ARHGEF10L: variants seen among roughly 807,000 people sequenced by gnomAD.
ARHGEF10L encodes Rho guanine nucleotide exchange factor 10 like, also known as rho guanine nucleotide exchange factor 10-like protein.
In ARHGEF10L, 69 loss-of-function variants were observed where a neutral mutation model predicts 141.2. That is an observed-to-expected ratio of 0.49 (90% CI 0.40 to 0.60). The LOEUF (loss-of-function observed/expected upper bound fraction) is 0.60, where lower values mean the gene tolerates loss of function less well. ARHGEF10L is among the 20% of genes least tolerant of loss of function. ARHGEF10L has a pLI of 0.00. For synonymous variants in ARHGEF10L, 711 were observed against 718.5 expected, an observed-to-expected ratio of 0.99 and a Z score of 0.17; for missense variants, 1,482 against 1,734.3, an observed-to-expected ratio of 0.85 and a Z score of 2.58.
At position 17,632,426 on chromosome 1, in the gene ARHGEF10L, C is replaced by T; in HGVS notation, c.1690C>T (p.Leu564=). 1.9e-6 allele frequency: 3 copies of T among 1,614,168 alleles called. No homozygotes were observed. Among genetic ancestry groups the T allele is most frequent in the Non-Finnish European group, 2.5e-6 (3 of 1,180,030 alleles). ...LIKSKERRVF[L]LNDMLVCANI... Reference sequence around the variant, plus strand: ...TAAGTCCAAGGAGCGTCGGGTCTTCCTGCTCAACGACATGCTTGTCTGTGC... The same window carrying T: ...TAAGTCCAAGGAGCGTCGGGTCTTCTTGCTCAACGACATGCTTGTCTGTGC... Residue 564 remains leucine, a synonymous_variant, in exon 16 of 29, where the codon CTG becomes TTG. Coordinates refer to ENST00000361221, the MANE Select transcript of ARHGEF10L (RefSeq NM_018125.4).
At position 17,676,046 on chromosome 1, in the gene ARHGEF10L, G is replaced by A. The variant is rs118043986; in HGVS notation, c.3009+11451G>A. ...TATGTGTGCAGGTATGGATGCAGGT[G>A]TAGGTGCAGGCATGGGTGCAGGTGT... On this transcript the variant is annotated intron_variant, in intron 26 of 28. Coordinates refer to ENST00000361221, the MANE Select transcript of ARHGEF10L (RefSeq NM_018125.4). Among the ~76,000 whole-genome samples the A allele has an allele frequency of 2.5e-3, 365 of 147,472 alleles. 11 individuals carry two copies. In the East Asian group the frequency reaches 0.064, roughly 26 times the overall value.
intron 28 of ARHGEF10L, among the ~76,000 whole-genome samples, chr1:17,696,363 C>T (rs536420652): frequency 6.6e-6 from 1 of 152,146 alleles, no homozygotes; most frequent in African/African-American, 2.4e-5. Flanking sequence ...GGGCAGAGAC[C>T]CTGCTCTCAA....
intron 9 of ARHGEF10L, 30 bp downstream of exon 9, chr1:17,616,232 G>A: frequency 6.4e-7 from 1 of 1,568,990 alleles, no homozygotes; most frequent in Non-Finnish European, 8.8e-7. Context: ...GGAGGGTCTG[G>A]TGCCCAGCTC....
chr1:17,596,399 A>G (rs1477415541), intron 4 of ARHGEF10L, among the ~76,000 whole-genome samples: 1 of 152,180 alleles, frequency 6.6e-6, no homozygotes, highest in Non-Finnish European at 1.5e-5. Flanking sequence ...GTCCTACGCA[A>G]ACTCTCCTGT....
At chr1:17,692,810 A>G (rs1243040043) in intron 27 of ARHGEF10L, among the ~76,000 whole-genome samples, 3 of 152,184 alleles carry the variant, frequency 2.0e-5, no homozygotes, top group Admixed American at 6.5e-5. Context: ...TCTTCTGACC[A>G]TCTGGAGTCT....
At position 17,644,914 on chromosome 1, in the gene ARHGEF10L, C is replaced by T. The variant is rs984971812; in HGVS notation, c.2273-3640C>T. Among the ~76,000 whole-genome samples the T allele has an allele frequency of 3.3e-5, 5 of 152,160 alleles. No homozygotes were observed. The highest frequency in any genetic ancestry group is 7.3e-5 in the Non-Finnish European group (5 of 68,036). ...CTCCAGATGGTTGGCGTTCCTTCCC[C>T]CATTTTCTACATGAGGCCACAGGCT... On this transcript the variant is annotated intron_variant, in intron 21 of 28. Transcript: ENST00000361221. This position sits in a 1 kb window ranked among gnomAD's most constrained non-coding sequence, Gnocchi z 4.5.
At position 17,619,012 on chromosome 1, in the gene ARHGEF10L, G is replaced by T. The variant is rs375788160; in HGVS notation, c.836-327G>T. On this transcript the variant is annotated intron_variant, in intron 9 of 28. Transcript: ENST00000361221. The surrounding 1 kb of genome is among the most constrained non-coding windows in gnomAD (Gnocchi z 5.0). ...AGCTAGCCTTCGCCAGGCCAGAGCG[G>T]GCGGGCCTGAGCAGGGACAGTGGCT... Among the ~76,000 whole-genome samples, 31 of 152,358 alleles carry T rather than the reference G, an allele frequency of 2.0e-4. No individual in the cohort carries two copies. The highest frequency in any genetic ancestry group is 9.6e-4 in the East Asian group (5 of 5,184).
chr1:17,674,933 T>C (rs2063550820), intron 26 of ARHGEF10L, among the ~76,000 whole-genome samples: 1 of 152,162 alleles, frequency 6.6e-6, no homozygotes, highest in Non-Finnish European at 1.5e-5. Context: ...GTAAGGTCAC[T>C]CTATGATCAC....
chr1:17,697,323 C>T lies in ARHGEF10L; in HGVS notation c.3783C>T (p.Ala1261=). Reference sequence around the variant, plus strand: ...CTCTGGGCAGCAGTGGGAGGCAGGCCCCGTGTGGGGAGACGGACAGCACCC... The same window carrying T: ...CTCTGGGCAGCAGTGGGAGGCAGGCTCCGTGTGGGGAGACGGACAGCACCC... ...GSALGSSGRQ[A]PCGETDSTLL... Residue 1261 remains alanine, a synonymous_variant, in exon 29 of 29, where the codon GCC becomes GCT. Transcript: ENST00000361221. The surrounding 1 kb of genome is among the most constrained non-coding windows in gnomAD (Gnocchi z 4.8). 1 of 1,611,928 alleles carries T rather than the reference C, an allele frequency of 6.2e-7. No individual in the cohort carries two copies. The highest frequency in any genetic ancestry group is 8.5e-7 in the Non-Finnish European group (1 of 1,179,310).
intron 7 of ARHGEF10L, among the ~76,000 whole-genome samples, chr1:17,612,653 A>G (rs1199054403): frequency 5.9e-5 from 9 of 152,142 alleles, no homozygotes; most frequent in Non-Finnish European, 2.9e-5. Flanking sequence ...TGTCTATCTC[A>G]CAAACTTACA....
intron 26 of ARHGEF10L, among the ~76,000 whole-genome samples, chr1:17,667,372 G>A (rs1046969208): frequency 1.3e-5 from 2 of 152,158 alleles, no homozygotes; most frequent in Non-Finnish European, 2.9e-5. Context: ...TAACGGAGGA[G>A]GCACAGCCTG....
In ARHGEF10L at chr1:17,603,780, G is replaced by C. The variant is rs2080919828; in HGVS notation, c.433+189G>C. Among the ~76,000 whole-genome samples the C allele has an allele frequency of 2.0e-5, 3 of 152,234 alleles. No individual in the cohort carries two copies. The highest frequency in any genetic ancestry group is 6.5e-5 in the Admixed American group (1 of 15,288). ...GCTGAGGGCGTGGCCACCGGGGCCG[G>C]GCAGGGCTTGGGCATCATGGGCAGG... On this transcript the variant is annotated intron_variant, in intron 6 of 28. Coordinates refer to ENST00000361221, the MANE Select transcript of ARHGEF10L (RefSeq NM_018125.4). The surrounding 1 kb of genome is among the most constrained non-coding windows in gnomAD (Gnocchi z 4.8).
chr1:17,614,043 G>T (rs2059679303), intron 8 of ARHGEF10L, among the ~76,000 whole-genome samples: 2 of 152,246 alleles, frequency 1.3e-5, no homozygotes, highest in African/African-American at 4.8e-5. Flanking sequence ...GGCACTCTGG[G>T]CAGTAGCTGC....
chr1:17,597,505 G>C (rs1223120362), intron 4 of ARHGEF10L, among the ~76,000 whole-genome samples: 1 of 152,172 alleles, frequency 6.6e-6, no homozygotes, highest in Non-Finnish European at 1.5e-5. Context: ...TCTTGAGCTG[G>C]AACGTTGCTC....
At chr1:17,522,442 A>G in the ARHGEF10L span, among the ~76,000 whole-genome samples, 17 of 152,088 alleles carry the variant, frequency 1.1e-4, 1 homozygote, top group Non-Finnish European at 2.9e-5. Context: ...CTGGGGCCAC[A>G]CAGCTAAGTG....
intron 26 of ARHGEF10L, among the ~76,000 whole-genome samples, chr1:17,683,664 T>A (rs1407425971): frequency 6.6e-6 from 1 of 152,212 alleles, no homozygotes; most frequent in Non-Finnish European, 1.5e-5. Flanking sequence ...TGTGCTGTTC[T>A]CCCTATTCAT....
At position 17,607,838 on chromosome 1, in the gene ARHGEF10L, G is replaced by C. The variant is rs369174741; in HGVS notation, c.470G>C (p.Arg157Pro). 2 of 1,592,558 alleles carry C rather than the reference G, an allele frequency of 1.3e-6. No homozygotes were observed. The highest frequency in any genetic ancestry group is 2.7e-5 in the African/African-American group (2 of 73,034). ...AACCTGCTCTACGAGGATGCGCACC[G>C]GGCTGGGGCCCCTCGGCAGGCGGAG... ...ERNLLYEDAH[R>P]AGAPRQAEDL... The change falls in exon 7 of 29, where the codon CGG becomes CCG. Residue 157 changes from arginine to proline, a missense_variant. Physicochemically the swap from Arg to Pro is moderately radical, Grantham distance 103. Around this residue, in one of 3 missense-constraint regions of ARHGEF10L, gnomAD observed 232 missense variants for 225.9 expected, o/e 1.03. Transcript: ENST00000361221. This position sits in a 1 kb window ranked among gnomAD's most constrained non-coding sequence, Gnocchi z 4.5.
At chr1:17,591,721 T>C (rs931999073) in intron 4 of ARHGEF10L, among the ~76,000 whole-genome samples, 1 of 152,054 alleles carries the variant, frequency 6.6e-6, no homozygotes, top group African/African-American at 2.4e-5. Context: ...CTAACTTTCA[T>C]ATTTTTTGTA....
chr1:17,591,345 C>T (rs528054134), intron 4 of ARHGEF10L, among the ~76,000 whole-genome samples: 7 of 151,160 alleles, frequency 4.6e-5, no homozygotes, highest in South Asian at 2.1e-4. Context: ...CAGGCTTGAG[C>T]GATTCTCCTG....
Sources: allele counts gnomAD v4.1 joint callset (sites outside exome capture counted in the v4.1 genomes callset), GRCh38; gene constraint gnomAD v4.1.1; regional missense constraint gnomAD v4.1.1; non-coding constraint Gnocchi (gnomAD v3.1); transcripts MANE v1.5; gene names NCBI Gene and HGNC (gene_info 2026-07-23, HGNC 2026-07-21).